Variants in HTR3B observed in about 807,000 individuals in gnomAD.
HTR3B encodes the protein 5-hydroxytryptamine receptor 3B.
In HTR3B, 44 loss-of-function variants were observed where a neutral mutation model predicts 42.8. That is an observed-to-expected ratio of 1.03 (90% CI 0.81 to 1.32). HTR3B has a LOEUF of 1.32. Among genes scored for constraint, HTR3B ranks in the 40% most tolerant of loss-of-function variants. HTR3B has a pLI of 0.00. For synonymous variants in HTR3B, 203 were observed against 209.0 expected (o/e 0.97, Z 0.25); for missense variants, 527 against 536.5 (o/e 0.98, Z 0.17).
intron 2 of HTR3B, among the ~76,000 whole-genome samples, chr11:113,913,188 T>G (rs535266184): frequency 1.6e-4 from 24 of 150,932 alleles, no homozygotes; most frequent in Admixed American, 1.6e-3. Context: ...CCAAAATTTC[T>G]TTCTTTCTTT....
chr11:113,943,143 C>G lies in HTR3B; in HGVS notation c.858C>G (p.Val286=). 6.2e-7 allele frequency: 1 copy of G among 1,614,076 alleles called. No individual in the cohort carries two copies. Among genetic ancestry groups the G allele is most frequent in the Non-Finnish European group, 8.5e-7 (1 of 1,180,014 alleles). The change falls in exon 7 of 9, where the codon GTC becomes GTG. Residue 286 remains valine, a synonymous_variant. Transcript: ENST00000260191. The part of the protein sequence containing the change: ...SVLVGYTVFR[V]NMSNQVPRSV... The stretch of plus-strand genomic sequence containing the variant: ...TGGTGGGCTACACCGTCTTCAGGGT[C>G]AACATGTCCAACCAGGTGCCACGGA...
chr11:113,925,509 C>T (rs768659783), intron 2 of HTR3B, among the ~76,000 whole-genome samples: 5 of 150,558 alleles, frequency 3.3e-5, no homozygotes, highest in East Asian at 1.9e-4. Context: ...CTGCAACCTC[C>T]GCCTCCTGGG....
chr11:113,899,492 C>T, the HTR3B span, among the ~76,000 whole-genome samples: 1 of 152,188 alleles, frequency 6.6e-6, no homozygotes, highest in East Asian at 1.9e-4. Context: ...GTCAAAATTC[C>T]TGTCAATTTT....
intron 2 of HTR3B, among the ~76,000 whole-genome samples, chr11:113,913,449 G>A (rs894828253): frequency 3.5e-5 from 5 of 142,272 alleles, no homozygotes; most frequent in Non-Finnish European, 6.0e-5. Context: ...GACCTCAGGT[G>A]ATCCGCCTGC....
Position 113,946,089 on chromosome 11 carries a change from C to G in HTR3B, c.1278C>G (p.Ile426Met). Residue 426 changes from isoleucine to methionine, a missense_variant, in exon 9 of 9, where the codon ATC (isoleucine) becomes ATG (methionine). Ile to Met is a conservative substitution (Grantham distance 10). Transcript: ENST00000260191. ...AAAGCTACCTTTTCATGCTGGGGATCTACACCATCACTCTGTGCTCCCTCT... is the reference window on the plus strand; with the variant it reads ...AAAGCTACCTTTTCATGCTGGGGATGTACACCATCACTCTGTGCTCCCTCT... ...LFQSYLFMLG[I>M]YTITLCSLWA... 1 of 1,614,126 alleles carries G rather than the reference C, an allele frequency of 6.2e-7. No individual in the cohort carries two copies. The highest frequency in any genetic ancestry group is 8.5e-7 in the Non-Finnish European group (1 of 1,180,014).
At chr11:113,900,351 AC>A (rs1379118587), upstream of HTR3B, among the ~76,000 whole-genome samples, 2 of 152,140 alleles carry the variant, frequency 1.3e-5, no homozygotes, top group African/African-American at 2.4e-5. Flanking sequence ...AATGAGACTT[AC>A]CCCCACACTC....
Position 113,946,257 on chromosome 11 carries a change from T to A in HTR3B, c.*120T>A. ...GGTTCTTGCCTATAGTCCCAGTGCT[T>A]TGGGAGGCCATAGCAGGAGGATTGC... On this transcript the variant is annotated 3_prime_UTR_variant, in exon 9 of 9. Transcript: ENST00000260191. 1 of 738,794 alleles carries A rather than the reference T, an allele frequency of 1.4e-6. No homozygotes were observed. The highest frequency in any genetic ancestry group is 2.3e-6 in the Non-Finnish European group (1 of 437,226). 45.8% of individuals were successfully genotyped at this position (738,794 alleles called of 1,614,324 possible). A position where few individuals can be genotyped will look rare whatever the true frequency, so the allele number is the denominator to read the frequency against.
chr11:113,908,085 G>T (rs1318691941), intron 1 of HTR3B, among the ~76,000 whole-genome samples: 1 of 152,102 alleles, frequency 6.6e-6, no homozygotes, highest in Admixed American at 6.6e-5. Flanking sequence ...GATTGTTAGG[G>T]AGTTAAAATG....
chr11:113,922,092 T>A (rs983732169), intron 2 of HTR3B, among the ~76,000 whole-genome samples: 1 of 152,192 alleles, frequency 6.6e-6, no homozygotes, highest in Non-Finnish European at 1.5e-5. Flanking sequence ...TTCTCTTCAT[T>A]CTCCATCTGC....
At chr11:113,941,424 C>G (rs924114330) in intron 6 of HTR3B, among the ~76,000 whole-genome samples, 7 of 152,144 alleles carry the variant, frequency 4.6e-5, no homozygotes, top group African/African-American at 1.7e-4. Context: ...AGACACTTGC[C>G]ATCATCATTT....
intron 1 of HTR3B, among the ~76,000 whole-genome samples, chr11:113,908,674 T>C (rs1249304965): frequency 1.3e-5 from 2 of 152,222 alleles, no homozygotes; most frequent in Non-Finnish European, 2.9e-5. Context: ...GGTTGTTCCC[T>C]GGAACCAGAG....
At chr11:113,933,848 A>G (rs1354468034) in intron 6 of HTR3B, among the ~76,000 whole-genome samples, 1 of 152,200 alleles carries the variant, frequency 6.6e-6, no homozygotes, top group Non-Finnish European at 1.5e-5. Context: ...CTGGTAAACT[A>G]CATCATTAGT....
rs1950178273 is a variant in HTR3B, at chr11:113,946,217, TG to T, written c.*83del. The T allele has an allele frequency of 7.1e-6, 8 of 1,127,262 alleles. No individual in the cohort carries two copies. In the South Asian group the frequency reaches 1.1e-4, roughly 15 times the overall value. The allele number at this position is 1,127,262 out of a possible 1,614,324, so 69.8% of individuals were successfully genotyped here. ...AATAATAGTGGGTTAAAAAGCTTTC[TG>T]GGTCGGGTGTGGTGGTTCTTGCCTA... On this transcript the variant is annotated 3_prime_UTR_variant, in exon 9 of 9. Transcript: ENST00000260191.
chr11:113,941,003 A>G (rs546800536), intron 6 of HTR3B, among the ~76,000 whole-genome samples: 6 of 152,164 alleles, frequency 3.9e-5, no homozygotes, highest in Non-Finnish European at 5.9e-5. Context: ...CTCTTACTCA[A>G]CTTACTCACT....
chr11:113,927,627 A>G (rs971081730), intron 2 of HTR3B, among the ~76,000 whole-genome samples: 1 of 151,804 alleles, frequency 6.6e-6, no homozygotes, highest in African/African-American at 2.4e-5. Context: ...CAGTGGCTCA[A>G]TCTTAGCTCA....
At chr11:113,906,055 A>G (rs1949730782) in intron 1 of HTR3B, among the ~76,000 whole-genome samples, 3 of 152,210 alleles carry the variant, frequency 2.0e-5, no homozygotes, top group South Asian at 4.1e-4. Context: ...AGGTAAGAAA[A>G]CAGACTAAGT....
At chr11:113,942,286 A>G (rs1262911928) in intron 6 of HTR3B, among the ~76,000 whole-genome samples, 1 of 152,064 alleles carries the variant, frequency 6.6e-6, no homozygotes, top group Non-Finnish European at 1.5e-5. Flanking sequence ...AAAAAAAAGA[A>G]ACCCCGTCTC....
In HTR3B at chr11:113,904,889, C is replaced by A; in HGVS notation, c.-45C>A. The A allele has an allele frequency of 6.6e-7, 1 of 1,514,636 alleles. No homozygotes were observed. The highest frequency in any genetic ancestry group is 9.2e-7 in the Non-Finnish European group (1 of 1,089,612). The allele number at this position is 1,514,636 out of a possible 1,614,324, so 93.8% of individuals were successfully genotyped here. On this transcript the variant is annotated 5_prime_UTR_variant, in exon 1 of 9. It adds an upstream start codon to the 5' untranslated region. Coordinates refer to ENST00000260191, the MANE Select transcript of HTR3B (RefSeq NM_006028.5). Reference sequence around the variant, plus strand: ...TAGGAGAAATTGAGCGGCATTCCATCTGGTAGGCAAGTTTGCATTTCTCCT... The same window carrying A: ...TAGGAGAAATTGAGCGGCATTCCATATGGTAGGCAAGTTTGCATTTCTCCT...
intron 1 of HTR3B, 109 bp from the exon 2 acceptor site, chr11:113,909,186 C>A: frequency 1.2e-6 from 1 of 842,496 alleles, no homozygotes; most frequent in Non-Finnish European, 2.0e-6. Context: ...TTTTGGTGAG[C>A]TGAAAGCTAT....
Sources: gnomAD v4.1 joint callset for allele counts (sites outside exome capture counted in the v4.1 genomes callset) on GRCh38, gnomAD v4.1.1 for gene constraint, MANE v1.5 for transcripts, NCBI Gene and HGNC (gene_info 2026-07-23, HGNC 2026-07-21) for gene names.